Variants in MPP7 observed in about 807,000 individuals in gnomAD.
MPP7 encodes the protein MAGUK p55 scaffold protein 7, also known as MAGUK p55 subfamily member 7.
In MPP7, 60 loss-of-function variants were observed where a neutral mutation model predicts 76.5. The observed-to-expected ratio is 0.78, with a 90% CI of 0.64 to 0.97. The LOEUF is 0.97. Among genes scored for constraint, MPP7 ranks in the 50% least tolerant of loss-of-function variants. MPP7 has a pLI of 0.00. For missense variants in MPP7, 641 were observed against 694.0 expected (o/e 0.92, Z 0.86); for synonymous variants, 237 against 244.5 (o/e 0.97, Z 0.29).
chr10:28,310,784 A>G (rs1184331294), intron 2 of MPP7, among the ~76,000 whole-genome samples: 1 of 152,210 alleles, frequency 6.6e-6, no homozygotes, highest in Admixed American at 6.5e-5. Flanking sequence ...GGAAAAAGCT[A>G]TAAACCACTT....
At chr10:28,135,248 G>A (rs4317882) in intron 5 of MPP7, among the ~76,000 whole-genome samples, 14,948 of 152,134 alleles carry the variant, frequency 0.098, 1,249 homozygotes, top group East Asian at 0.42. Context: ...AGATTCTCAG[G>A]TAAGCCTATA....
chr10:28,096,771 G>A (rs1235608961), intron 11 of MPP7, among the ~76,000 whole-genome samples: 1 of 151,968 alleles, frequency 6.6e-6, no homozygotes, highest in Non-Finnish European at 1.5e-5. Flanking sequence ...AATTCCATCT[G>A]GAATTACTGA....
intron 3 of MPP7, among the ~76,000 whole-genome samples, chr10:28,161,769 T>C (rs1214357489): frequency 6.6e-6 from 1 of 152,196 alleles, no homozygotes; most frequent in African/African-American, 2.4e-5. Context: ...AACTTTTCAC[T>C]CAATAGAAAA....
chr10:28,312,415 T>C (rs1016555021), intron 2 of MPP7, among the ~76,000 whole-genome samples: 1 of 152,134 alleles, frequency 6.6e-6, no homozygotes, highest in Non-Finnish European at 1.5e-5. Flanking sequence ...CATTTTACAA[T>C]CCTAGCTACA....
At chr10:28,104,987 T>C (rs1391409868) in intron 11 of MPP7, among the ~76,000 whole-genome samples, 1 of 151,896 alleles carries the variant, frequency 6.6e-6, no homozygotes, top group African/African-American at 2.4e-5. Context: ...ATGAAGCTAT[T>C]TTTTCTAAGA....
rs182901568 is a variant in MPP7, at chr10:28,330,288, C to A, written c.-205-286G>T. ...TGTGCAATGGCACACACCTGTAATC[C>A]CAGCTGCTTGGGAGGCTGAAGGAGA... On this transcript the variant is annotated intron_variant, in intron 1 of 11. Coordinates refer to the MPP7 transcript ENST00000441595. 1.6e-3 allele frequency among the ~76,000 whole-genome samples: 237 copies of A among 152,214 alleles called. 1 individual carries two copies. Among genetic ancestry groups the A allele is most frequent in the African/African-American group, 5.2e-3 (216 of 41,536 alleles).
intron 8 of MPP7, among the ~76,000 whole-genome samples, chr10:28,121,984 C>T (rs1046539163): frequency 3.3e-5 from 5 of 152,152 alleles, no homozygotes; most frequent in African/African-American, 1.2e-4. Context: ...TCTAGTGCAA[C>T]ACAGCAAGTT....
intron 2 of MPP7, among the ~76,000 whole-genome samples, chr10:28,233,482 C>A (rs60301798): frequency 0.01 from 1,496 of 147,810 alleles, 24 homozygotes; most frequent in East Asian, 0.067. Flanking sequence ...CCGAGGCAGG[C>A]GGAATCACAA....
intron 1 of MPP7, among the ~76,000 whole-genome samples, chr10:28,276,852 C>A (rs913415566): frequency 2.6e-5 from 4 of 152,012 alleles, no homozygotes; most frequent in African/African-American, 9.7e-5. Flanking sequence ...ATAGCCCTAT[C>A]GTTTGACTGT....
chr10:28,200,388 T>A (rs937694163), intron 3 of MPP7, among the ~76,000 whole-genome samples: 27 of 152,222 alleles, frequency 1.8e-4, no homozygotes, highest in African/African-American at 6.5e-4. Flanking sequence ...ACATTTAGAA[T>A]AGTACATGTG....
intron 5 of MPP7, among the ~76,000 whole-genome samples, chr10:28,145,549 T>C (rs1019843088): frequency 6.6e-6 from 1 of 152,128 alleles, no homozygotes; most frequent in Non-Finnish European, 1.5e-5. Context: ...TAAAGTAATA[T>C]GGAAATGAGG....
At chr10:28,256,188 CAG>C (rs1473517992) in intron 1 of MPP7, among the ~76,000 whole-genome samples, 1 of 151,938 alleles carries the variant, frequency 6.6e-6, no homozygotes, top group African/African-American at 2.4e-5. Context: ...GCTCAAATGG[CAG>C]AGAGAAAAGT....
chr10:28,152,218 T>A (rs1362550487), intron 3 of MPP7, among the ~76,000 whole-genome samples: 1 of 152,156 alleles, frequency 6.6e-6, no homozygotes, highest in Non-Finnish European at 1.5e-5. Context: ...ATTGATAGAG[T>A]ATCCCACCCC....
intron 16 of MPP7, among the ~76,000 whole-genome samples, chr10:28,054,494 T>C (rs902540898): frequency 2.6e-5 from 4 of 152,170 alleles, no homozygotes; most frequent in African/African-American, 9.7e-5. Flanking sequence ...TTAACTGAAT[T>C]GCAGGATAAT....
intron 1 of MPP7, among the ~76,000 whole-genome samples, chr10:28,253,452 C>T (rs1398653340): frequency 6.6e-6 from 1 of 152,116 alleles, no homozygotes; most frequent in Non-Finnish European, 1.5e-5. Flanking sequence ...AGAACCAGGG[C>T]CACACTCCAG....
At chr10:28,062,137 G>A (rs1851812008) in intron 13 of MPP7, among the ~76,000 whole-genome samples, 1 of 152,098 alleles carries the variant, frequency 6.6e-6, no homozygotes, top group Non-Finnish European at 1.5e-5. Flanking sequence ...AGATATATAT[G>A]ACTATTTTAA....
intron 8 of MPP7, among the ~76,000 whole-genome samples, chr10:28,121,185 G>C (rs1033881131): frequency 6.6e-6 from 1 of 151,302 alleles, no homozygotes; most frequent in Non-Finnish European, 1.5e-5. Flanking sequence ...TGAAGCTAAG[G>C]CCTCTTGAGC....
chr10:28,311,697 A>G (rs571920498), intron 2 of MPP7, among the ~76,000 whole-genome samples: 1 of 152,240 alleles, frequency 6.6e-6, no homozygotes, highest in Non-Finnish European at 1.5e-5. Context: ...AACATGGGCA[A>G]CATAGCAAGA....
At chr10:28,215,491 T>A (rs757793629) in intron 2 of MPP7, among the ~76,000 whole-genome samples, 8 of 151,986 alleles carry the variant, frequency 5.3e-5, no homozygotes, top group Non-Finnish European at 1.2e-4. Context: ...GAGAGAGAGA[T>A]GTGAACAACT....
Sources: allele counts gnomAD v4.1 joint callset (sites outside exome capture counted in the v4.1 genomes callset), GRCh38; gene constraint gnomAD v4.1.1; transcripts MANE v1.5; gene names NCBI Gene and HGNC (gene_info 2026-07-23, HGNC 2026-07-21).